Variants in SHROOM3 observed in about 807,000 individuals in gnomAD.
SHROOM3 encodes shroom family member 3.
SHROOM3 carries 47 observed loss-of-function variants against 138.6 expected under a neutral mutation model. That is an observed-to-expected ratio of 0.34 (90% CI 0.27 to 0.43). The LOEUF (loss-of-function observed/expected upper bound fraction) is 0.43, where lower values mean the gene tolerates loss of function less well. Ranked by LOEUF, SHROOM3 falls within the 20% of genes least tolerant of loss-of-function variation. The probability of loss-of-function intolerance (pLI) is 1.00; values close to 1 mark genes in which losing one functional copy is unlikely to be tolerated. For missense variants in SHROOM3, 2,491 were observed against 2,596.5 expected, an observed-to-expected ratio of 0.96 and a Z score of 0.88; for synonymous variants, 1,062 against 1,063.3, an observed-to-expected ratio of 1.00 and a Z score of 0.02.
At chr4:76,499,541 A>C (rs1732046902) in intron 1 of SHROOM3, among the ~76,000 whole-genome samples, 1 of 152,256 alleles carries the variant, frequency 6.6e-6, no homozygotes, top group African/African-American at 2.4e-5. Context: ...AAACATTTTT[A>C]TATAAAATAT....
chr4:76,755,660 C>T (rs1201650260), intron 7 of SHROOM3, among the ~76,000 whole-genome samples: 1 of 152,134 alleles, frequency 6.6e-6, no homozygotes, highest in Non-Finnish European at 1.5e-5. Context: ...ATGTTAGACA[C>T]ACAAATACAC....
At chr4:76,617,996 T>G (rs1390372924) in intron 2 of SHROOM3, among the ~76,000 whole-genome samples, 4 of 152,216 alleles carry the variant, frequency 2.6e-5, no homozygotes, top group African/African-American at 9.7e-5. Context: ...CATGAAAAGT[T>G]GAACATCATG....
At chr4:76,610,760 A>C (rs1162298562) in intron 2 of SHROOM3, among the ~76,000 whole-genome samples, 2 of 152,188 alleles carry the variant, frequency 1.3e-5, no homozygotes, top group Admixed American at 6.5e-5. Flanking sequence ...ACCCCTCTCC[A>C]GATCTTAAGG....
At chr4:76,776,431 A>G (rs539218463) in intron 10 of SHROOM3, among the ~76,000 whole-genome samples, 4 of 152,104 alleles carry the variant, frequency 2.6e-5, no homozygotes, top group African/African-American at 7.3e-5. Context: ...TTTGCTGTGC[A>G]AAAGCTCTTT....
intron 1 of SHROOM3, among the ~76,000 whole-genome samples, chr4:76,437,188 G>A (rs1394742405): frequency 1.3e-5 from 2 of 152,184 alleles, no homozygotes; most frequent in East Asian, 1.9e-4. Context: ...GGGTTTCACA[G>A]TGATAAGCCA....
At chr4:76,644,886 G>T (rs1261560351) in intron 2 of SHROOM3, among the ~76,000 whole-genome samples, 1 of 152,066 alleles carries the variant, frequency 6.6e-6, no homozygotes, top group Non-Finnish European at 1.5e-5. Flanking sequence ...TTCAAATGGG[G>T]TTCAGTTTTC....
In SHROOM3 at chr4:76,781,987, C is replaced by T. The variant is rs1722745902; in HGVS notation, c.*2810C>T. On this transcript the variant is annotated 3_prime_UTR_variant, in exon 11 of 11. Coordinates refer to ENST00000296043, the MANE Select transcript of SHROOM3 (RefSeq NM_020859.4). ...ACTCAGGTGAGATAATCTTGCAATA[C>T]TCCAAATGCAGATACTCCAGCCACC... 6.6e-6 allele frequency: 1 copy of T among 152,142 alleles called. No individual in the cohort carries two copies. The highest frequency in any genetic ancestry group is 2.4e-5 in the African/African-American group (1 of 41,436). 9.4% of individuals were successfully genotyped at this position (152,142 alleles called of 1,614,324 possible).
rs58793404 is a variant in SHROOM3 at position 76,460,827 on chromosome 4, C to CAAAAAAAAAAAAAAAAAAAAAAAA, written c.168+24624_168+24625insAAAAAAAAAAAAAAAAAAAAAAAA. Among the ~76,000 whole-genome samples the CAAAAAAAAAAAAAAAAAAAAAAAA allele has an allele frequency of 2.3e-4, 18 of 78,770 alleles. 1 individual carries two copies. Among genetic ancestry groups the CAAAAAAAAAAAAAAAAAAAAAAAA allele is most frequent in the East Asian group, 1.4e-3 (3 of 2,094 alleles). 51.7% of individuals were successfully genotyped at this position (78,770 alleles called of 152,430 possible). On this transcript the variant is annotated intron_variant, in intron 1 of 10. Coordinates refer to ENST00000296043, the MANE Select transcript of SHROOM3 (RefSeq NM_020859.4). ...GTAACACAGTGAAAGCCCGTATCTA[C>CAAAAAAAAAAAAAAAAAAAAAAAA]AAAAAAAAAAAAAAAAATTAGCCAG...
chr4:76,590,506 G>A (rs1243560301), intron 2 of SHROOM3, among the ~76,000 whole-genome samples: 1 of 138,822 alleles, frequency 7.2e-6, no homozygotes, highest in Non-Finnish European at 1.5e-5. Context: ...CTCAAGAATG[G>A]TGCTTTTTTT....
intron 2 of SHROOM3, among the ~76,000 whole-genome samples, chr4:76,608,688 C>CAGCAT (rs1560563427): frequency 3.9e-5 from 1 of 25,874 alleles, no homozygotes; most frequent in African/African-American, 1.1e-4. Flanking sequence ...CAGCACAGCA[C>CAGCAT]AGCACAGCAC....
chr4:76,685,798 G>A (rs1038238654), intron 2 of SHROOM3, among the ~76,000 whole-genome samples: 1 of 152,110 alleles, frequency 6.6e-6, no homozygotes, highest in Non-Finnish European at 1.5e-5. Context: ...GGCCAACATG[G>A]TGAAACCCAT....
At chr4:76,537,469 G>A (rs552734851) in intron 1 of SHROOM3, among the ~76,000 whole-genome samples, 32 of 152,312 alleles carry the variant, frequency 2.1e-4, no homozygotes, top group Non-Finnish European at 4.4e-4. Context: ...TGACTGCTAT[G>A]TTGAGAATAT....
chr4:76,730,125 A>G (rs1406868277), intron 3 of SHROOM3, among the ~76,000 whole-genome samples: 2 of 152,244 alleles, frequency 1.3e-5, no homozygotes, highest in African/African-American at 4.8e-5. Context: ...TCAGTGTTGC[A>G]GTCTGAAGGA....
At chr4:76,594,078 T>C (rs1425043299) in intron 2 of SHROOM3, among the ~76,000 whole-genome samples, 1 of 152,226 alleles carries the variant, frequency 6.6e-6, no homozygotes. Flanking sequence ...CTACAGTTTT[T>C]GTTCCCATTT....
At chr4:76,666,084 T>C (rs1718687374) in intron 2 of SHROOM3, among the ~76,000 whole-genome samples, 1 of 152,128 alleles carries the variant, frequency 6.6e-6, no homozygotes. Context: ...AAAAGAAAAT[T>C]TTATGAGGAA....
rs77669290 is a variant in SHROOM3 at position 76,519,108 on chromosome 4, G to T, written c.169-36501G>T. On this transcript the variant is annotated intron_variant, in intron 1 of 10. Transcript: ENST00000296043. Reference sequence around the variant, plus strand: ...TGAAGAAATCCCAGCAAAGGCTTCTGGTTGGTTAGGCTTAGGCCACATGCC... The same window carrying T: ...TGAAGAAATCCCAGCAAAGGCTTCTTGTTGGTTAGGCTTAGGCCACATGCC... Among the ~76,000 whole-genome samples the T allele has an allele frequency of 2.5e-3, 384 of 152,290 alleles. 1 individual carries two copies. Among genetic ancestry groups the T allele is most frequent in the African/African-American group, 8.9e-3 (370 of 41,566 alleles).
At chr4:76,480,867 C>G (rs1385394851) in intron 1 of SHROOM3, among the ~76,000 whole-genome samples, 2 of 152,162 alleles carry the variant, frequency 1.3e-5, no homozygotes, top group South Asian at 2.1e-4. Flanking sequence ...ACTGAACAAC[C>G]TGCTCCTGAA....
intron 1 of SHROOM3, among the ~76,000 whole-genome samples, chr4:76,482,533 A>G (rs1240152238): frequency 6.6e-6 from 1 of 152,240 alleles, no homozygotes; most frequent in African/African-American, 2.4e-5. Flanking sequence ...TTCCATGTTC[A>G]TGGATAGGAA....
chr4:76,468,143 C>T (rs1411406212), intron 1 of SHROOM3, among the ~76,000 whole-genome samples: 1 of 152,196 alleles, frequency 6.6e-6, no homozygotes, highest in Non-Finnish European at 1.5e-5. Flanking sequence ...ATCAGAAGGG[C>T]TGGAACTAAT....
Sources: gnomAD v4.1 joint callset for allele counts (sites outside exome capture counted in the v4.1 genomes callset) on GRCh38, gnomAD v4.1.1 for gene constraint, MANE v1.5 for transcripts, NCBI Gene and HGNC (gene_info 2026-07-23, HGNC 2026-07-21) for gene names.